The following TENT4B variants were observed in gnomAD, a reference collection of about 807,000 sequenced individuals.
The protein encoded by TENT4B is PAP associated domain containing 5.
In TENT4B, 10 loss-of-function variants were observed where a neutral mutation model predicts 75.0. The ratio of observed to expected loss-of-function variants is 0.13; its 90% CI spans 0.08 to 0.23. The LOEUF (loss-of-function observed/expected upper bound fraction) is 0.23. Among genes scored for constraint, TENT4B ranks in the 10% least tolerant of loss-of-function variants. The pLI is 1.00. For synonymous variants in TENT4B, 350 were observed against 357.7 expected (o/e 0.98, Z 0.24); for missense variants, 579 against 893.8 (o/e 0.65, Z 4.49).
At chr16:50,209,258 A>T (rs968092828) in intron 1 of TENT4B, among the ~76,000 whole-genome samples, 1 of 152,226 alleles carries the variant, frequency 6.6e-6, no homozygotes, top group Non-Finnish European at 1.5e-5. Context: ...ACGCAATGAG[A>T]TAAGAAGCAG....
At chr16:50,154,835 C>T (rs1397808476) in intron 1 of TENT4B, among the ~76,000 whole-genome samples, 1 of 152,160 alleles carries the variant, frequency 6.6e-6, no homozygotes, top group Non-Finnish European at 1.5e-5. Flanking sequence ...TGCTCTTGAC[C>T]CTTTGGCCCA....
chr16:50,197,371 C>T (rs1372184197), intron 1 of TENT4B, among the ~76,000 whole-genome samples: 1 of 152,182 alleles, frequency 6.6e-6, no homozygotes, highest in East Asian at 1.9e-4. Context: ...TCACTGCAAC[C>T]TCCGCCTTCT....
At chr16:50,216,441 G>A (rs1410697217) in intron 4 of TENT4B, among the ~76,000 whole-genome samples, 1 of 152,120 alleles carries the variant, frequency 6.6e-6, no homozygotes, top group Non-Finnish European at 1.5e-5. Context: ...CTCTTGGGGA[G>A]CTGTACTACA....
intron 1 of TENT4B, among the ~76,000 whole-genome samples, chr16:50,190,392 G>A (rs1315805151): frequency 6.6e-6 from 1 of 151,914 alleles, no homozygotes; most frequent in African/African-American, 2.4e-5. Flanking sequence ...TCCCAGTTTA[G>A]TGCAACCACT....
chr16:50,163,785 T>A (rs1370922321), intron 1 of TENT4B, among the ~76,000 whole-genome samples: 3 of 152,148 alleles, frequency 2.0e-5, no homozygotes, highest in Non-Finnish European at 4.4e-5. Flanking sequence ...GTTTTTCTTT[T>A]ATCAATACGC....
At chr16:50,211,267 G>A (rs2031262817) in intron 1 of TENT4B, 56 bp from the exon 2 acceptor site, 1 of 1,497,684 alleles carries the variant, frequency 6.7e-7, no homozygotes, top group African/African-American at 1.4e-5. Flanking sequence ...ATTTAAGATA[G>A]TGATTTCTCA....
At chr16:50,200,208 A>T (rs1257760631) in intron 1 of TENT4B, among the ~76,000 whole-genome samples, 3 of 152,082 alleles carry the variant, frequency 2.0e-5, no homozygotes, top group African/African-American at 4.8e-5. Context: ...TCTACAAAAA[A>T]TTTAAAAATT....
chr16:50,223,119 C>T (rs2031902265), intron 6 of TENT4B, 55 bp from the exon 7 acceptor site: 1 of 1,361,726 alleles, frequency 7.3e-7, no homozygotes, highest in Non-Finnish European at 1.0e-6. Flanking sequence ...TTTATTCCCC[C>T]TCTCCTTGAT....
In TENT4B at chr16:50,160,318, T is replaced by C. The variant is rs539524550; in HGVS notation, c.638+6059T>C. On this transcript the variant is annotated intron_variant, in intron 1 of 11. Coordinates refer to ENST00000561678, the MANE Select transcript of TENT4B (RefSeq NM_001365324.3). ...GACTTTTTTTTTCCCCCTTCGTCTTTGTGGACTCTTTTTTAACACTCATAA... is the reference window on the plus strand; with the variant it reads ...GACTTTTTTTTTCCCCCTTCGTCTTCGTGGACTCTTTTTTAACACTCATAA... Among the ~76,000 whole-genome samples the C allele has an allele frequency of 1.9e-3, 287 of 152,312 alleles. 2 individuals are homozygous for C. Among genetic ancestry groups the C allele is most frequent in the African/African-American group, 6.0e-3 (249 of 41,568 alleles).
Position 50,229,329 on chromosome 16 carries a change from T to G in TENT4B, c.*1T>G, listed in dbSNP as rs764687524. On this transcript the variant is annotated 3_prime_UTR_variant, in exon 12 of 12. Coordinates refer to ENST00000561678, the MANE Select transcript of TENT4B (RefSeq NM_001365324.3). ...GCCCCTCTCAGACCTCTGTAGATAG[T>G]CAGCGCTGCGCGGTGGACTGTCTTC... 6 of 1,610,660 alleles carry G rather than the reference T, an allele frequency of 3.7e-6. No individual in the cohort carries two copies. The African/African-American group carries it at 6.7e-5, about 18-fold the overall frequency.
chr16:50,192,145 G>T (rs1370679972), intron 1 of TENT4B, among the ~76,000 whole-genome samples: 1 of 151,552 alleles, frequency 6.6e-6, no homozygotes, highest in Non-Finnish European at 1.5e-5. Context: ...AGGAGGCTGA[G>T]GCTGGAGAAT....
At position 50,167,895 on chromosome 16, in the gene TENT4B, A is replaced by C. The variant is rs2038132466; in HGVS notation, c.638+13636A>C. Among the ~76,000 whole-genome samples, 3 of 152,080 alleles carry C rather than the reference A, an allele frequency of 2.0e-5. No homozygotes were observed. In the South Asian group the frequency reaches 6.2e-4, roughly 32 times the overall value. ...TGGTCTTGAACTCCTGGGCTCAAGC[A>C]ATCCTCTCATCTCGGCCTCCCCAAG... On this transcript the variant is annotated intron_variant, in intron 1 of 11. Coordinates refer to ENST00000561678, the MANE Select transcript of TENT4B (RefSeq NM_001365324.3).
intron 11 of TENT4B, among the ~76,000 whole-genome samples, chr16:50,228,560 C>G (rs1303390254): frequency 2.0e-5 from 3 of 152,066 alleles, no homozygotes; most frequent in Non-Finnish European, 1.5e-5. Flanking sequence ...GGGCTCTGGC[C>G]TAAGGCTGGG....
chr16:50,175,366 CCA>C (rs756695837), intron 1 of TENT4B, among the ~76,000 whole-genome samples: 60 of 152,238 alleles, frequency 3.9e-4, no homozygotes, highest in Admixed American at 9.2e-4. Flanking sequence ...CTTCGCCAAA[CCA>C]CAGTCATCTA....
chr16:50,172,694 A>G (rs142898336), intron 1 of TENT4B, among the ~76,000 whole-genome samples: 3 of 151,678 alleles, frequency 2.0e-5, no homozygotes, highest in Admixed American at 2.0e-4. Flanking sequence ...TTTAGAGTTC[A>G]CTCTTGGTGT....
chr16:50,222,462 T>A, intron 6 of TENT4B, 28 bp downstream of exon 6: 1 of 1,602,900 alleles, frequency 6.2e-7, no homozygotes, highest in South Asian at 1.1e-5. Flanking sequence ...AGCATGCTAG[T>A]GCACACTAAA....
At chr16:50,188,701 A>G (rs771598278) in intron 1 of TENT4B, among the ~76,000 whole-genome samples, 1 of 152,142 alleles carries the variant, frequency 6.6e-6, no homozygotes, top group African/African-American at 2.4e-5. Context: ...TCCAGTTTTA[A>G]ACAACTTGGG....
chr16:50,195,602 G>T (rs1338728832), intron 1 of TENT4B, among the ~76,000 whole-genome samples: 2 of 152,162 alleles, frequency 1.3e-5, no homozygotes, highest in African/African-American at 4.8e-5. Context: ...TTTAAATTAT[G>T]TCTGGCTTAG....
At chr16:50,166,609 C>T (rs2038105416) in intron 1 of TENT4B, among the ~76,000 whole-genome samples, 1 of 151,608 alleles carries the variant, frequency 6.6e-6, no homozygotes. Context: ...TATAGGAGTT[C>T]TTTATTTTAT....
Sources: gnomAD v4.1 joint callset for allele counts (sites outside exome capture counted in the v4.1 genomes callset) on GRCh38, gnomAD v4.1.1 for gene constraint, MANE v1.5 for transcripts, NCBI Gene and HGNC (gene_info 2026-07-23, HGNC 2026-07-21) for gene names.